The following VPS13D variants were observed in gnomAD, a reference collection of about 807,000 sequenced individuals.
VPS13D encodes intermembrane lipid transfer protein VPS13D.
In VPS13D, 187 loss-of-function variants were observed where a neutral mutation model predicts 461.9. That is an observed-to-expected ratio of 0.40 (90% confidence interval 0.36 to 0.46). The LOEUF (loss-of-function observed/expected upper bound fraction) is 0.46. Ranked by LOEUF, VPS13D falls within the 20% of genes least tolerant of loss-of-function variation. VPS13D has a pLI of 0.60. For synonymous variants in VPS13D, 1,951 were observed against 1,986.3 expected (o/e 0.98, Z 0.47); for missense variants, 4,711 against 5,364.9 (o/e 0.88, Z 3.81).
At chr1:12,479,142 G>A (rs1332713446) in intron 67 of VPS13D, among the ~76,000 whole-genome samples, 1 of 152,252 alleles carries the variant, frequency 6.6e-6, no homozygotes, top group Non-Finnish European at 1.5e-5. Context: ...AGCAAGGCCT[G>A]GAGTGGCCTG....
In VPS13D at chr1:12,323,742, G is replaced by A; in HGVS notation, c.7952G>A (p.Ser2651Asn). The A allele has an allele frequency of 6.2e-7, 1 of 1,614,082 alleles. No homozygotes were observed. The highest frequency in any genetic ancestry group is 2.2e-5 in the East Asian group (1 of 44,878). Reference protein sequence around the residue: ...QLARLQELGFSMDDCRKALLA... With the variant: ...QLARLQELGFNMDDCRKALLA... ...GCTAGGCTGCAGGAGCTGGGATTCA[G>A]CATGGATGATTGTCGCAAAGCTCTT... The change falls in exon 35 of 70, where the codon AGC (serine) becomes AAC (asparagine). Residue 2651 changes from serine (S) to asparagine (N), a missense_variant. Ser to Asn is a conservative substitution (Grantham distance 46, BLOSUM62 1). This residue lies in a region of VPS13D where 4,411 missense variants were observed against 4,937.8 expected (regional missense o/e 0.89). Coordinates refer to ENST00000620676, the MANE Select transcript of VPS13D (RefSeq NM_015378.4).
At chr1:12,460,554 A>G (rs1645396350) in intron 67 of VPS13D, among the ~76,000 whole-genome samples, 158 bp downstream of exon 67, 1 of 152,030 alleles carries the variant, frequency 6.6e-6, no homozygotes. Flanking sequence ...ATATAAAAAG[A>G]TGAAAATGAG....
chr1:12,366,207 C>T (rs550806400), intron 52 of VPS13D, among the ~76,000 whole-genome samples: 3 of 152,160 alleles, frequency 2.0e-5, no homozygotes, highest in Non-Finnish European at 4.4e-5. Flanking sequence ...CCATACCTGG[C>T]CCCAAGATAG....
intron 65 of VPS13D, 140 bp from the exon 66 acceptor site, chr1:12,455,858 G>A: frequency 1.9e-6 from 2 of 1,062,294 alleles, no homozygotes; most frequent in Non-Finnish European, 2.5e-6. Flanking sequence ...GGCGGAGGTT[G>A]TGATGAGATG....
In VPS13D at chr1:12,318,072, A is replaced by T; in HGVS notation, c.7149A>T (p.Arg2383Ser). Residue 2383 changes from arginine to serine, a missense_variant and splice_region_variant, in exon 31 of 70, where the codon AGA becomes AGT. By Grantham distance (110) the Arg-to-Ser change is moderately radical. Coordinates refer to ENST00000620676, the MANE Select transcript of VPS13D (RefSeq NM_015378.4). Reference sequence around the variant, plus strand: ...ATTTTCTCCTGTCTTCTTTTTATAGATCTACCAAGGATTCCTCCTGCTTTA... The same window carrying T: ...ATTTTCTCCTGTCTTCTTTTTATAGTTCTACCAAGGATTCCTCCTGCTTTA... ...QGSIQIELHF[R>S]STKDSSCFTV... 1 of 1,602,144 alleles carries T rather than the reference A, an allele frequency of 6.2e-7. No individual in the cohort carries two copies. The highest frequency in any genetic ancestry group is 1.1e-5 in the South Asian group (1 of 90,126).
At chr1:12,421,808 T>C (rs1343927695) in intron 65 of VPS13D, among the ~76,000 whole-genome samples, 1 of 152,150 alleles carries the variant, frequency 6.6e-6, no homozygotes, top group Non-Finnish European at 1.5e-5. Context: ...AAACCTCTGC[T>C]CATTCTGTCC....
At position 12,400,394 on chromosome 1, in the gene VPS13D, G is replaced by A. The variant is rs962395762; in HGVS notation, c.11784+64G>A. On this transcript the variant is annotated intron_variant, in intron 61 of 69. Coordinates refer to ENST00000620676, the MANE Select transcript of VPS13D (RefSeq NM_015378.4). ...TGGAACGTTGATTTGTTCTCTCACAGCCAAGTCTCAGAGCAGCAGTGCCGG... is the reference window on the plus strand; with the variant it reads ...TGGAACGTTGATTTGTTCTCTCACAACCAAGTCTCAGAGCAGCAGTGCCGG... 4.4e-6 allele frequency: 7 copies of A among 1,583,868 alleles called. No individual in the cohort carries two copies. In the African/African-American group the frequency reaches 5.4e-5, roughly 12 times the overall value.
At chr1:12,451,904 C>A (rs1000102119) in intron 65 of VPS13D, among the ~76,000 whole-genome samples, 2 of 152,176 alleles carry the variant, frequency 1.3e-5, no homozygotes, top group African/African-American at 4.8e-5. Flanking sequence ...GTGCTATGTG[C>A]TTTACATGTA....
At chr1:12,385,147 C>T in intron 58 of VPS13D, 113 bp from the exon 59 acceptor site, 1 of 805,834 alleles carries the variant, frequency 1.2e-6, no homozygotes. Flanking sequence ...CATTCGCTTC[C>T]ATAGGATTAT....
At chr1:12,342,113 T>C (rs1458064693) in intron 41 of VPS13D, among the ~76,000 whole-genome samples, 3 of 152,226 alleles carry the variant, frequency 2.0e-5, no homozygotes, top group African/African-American at 4.8e-5. Flanking sequence ...GTATACCTTA[T>C]GTTTAAAAGC....
At position 12,264,268 on chromosome 1, in the gene VPS13D, A is replaced by G. The variant is rs144636016; in HGVS notation, c.1594+2188A>G. Among the ~76,000 whole-genome samples the G allele has an allele frequency of 1.7e-3, 264 of 152,326 alleles. 4 individuals carry two copies. Among genetic ancestry groups the G allele is most frequent in the African/African-American group, 5.7e-3 (235 of 41,568 alleles). ...ATGTTGAAATTGGGCTAATAACCCT[A>G]CAATGGCTTCTAAATGTTCAGGTGA... On this transcript the variant is annotated intron_variant, in intron 13 of 69. Transcript: ENST00000620676.
rs185166732 is a variant in VPS13D at position 12,236,748 on chromosome 1, G to A, written c.97+2385G>A. 1.3e-3 allele frequency among the ~76,000 whole-genome samples: 196 copies of A among 152,256 alleles called. 1 individual carries two copies. In the Middle Eastern group the frequency reaches 0.027, roughly 21 times the overall value. Reference sequence around the variant, plus strand: ...TAGATGCTTTGGGAGATGCAAAGAGGACTGAAATAGTGGTCAAGGGTATTG... The same window carrying A: ...TAGATGCTTTGGGAGATGCAAAGAGAACTGAAATAGTGGTCAAGGGTATTG... On this transcript the variant is annotated intron_variant, in intron 2 of 69. Coordinates refer to ENST00000620676, the MANE Select transcript of VPS13D (RefSeq NM_015378.4).
intron 63 of VPS13D, among the ~76,000 whole-genome samples, chr1:12,414,194 G>T (rs1644766736): frequency 6.6e-6 from 1 of 152,064 alleles, no homozygotes; most frequent in African/African-American, 2.4e-5. Flanking sequence ...TGAGGTGGGA[G>T]GATCGCGTGA....
intron 60 of VPS13D, among the ~76,000 whole-genome samples, chr1:12,388,188 T>G (rs1404971191): frequency 1.3e-5 from 2 of 152,174 alleles, no homozygotes; most frequent in Admixed American, 1.3e-4. Context: ...ATGATGTCAC[T>G]TGAATGTAGA....
intron 36 of VPS13D, among the ~76,000 whole-genome samples, chr1:12,328,091 T>C (rs923037836): frequency 6.6e-6 from 1 of 152,246 alleles, no homozygotes; most frequent in African/African-American, 2.4e-5. Context: ...TTCCATTGTA[T>C]TAACATCTCT....
intron 24 of VPS13D, among the ~76,000 whole-genome samples, chr1:12,297,732 C>T (rs1275788293): frequency 6.6e-6 from 1 of 152,190 alleles, no homozygotes; most frequent in East Asian, 1.9e-4. Context: ...ATGCAGCTTG[C>T]CAGGTGCTAG....
intron 66 of VPS13D, 115 bp from the exon 67 acceptor site, chr1:12,460,086 G>A: frequency 3.1e-6 from 3 of 954,044 alleles, no homozygotes; most frequent in Non-Finnish European, 3.0e-6. Context: ...GGCCTCTCTG[G>A]CACAGAGATT....
In VPS13D at chr1:12,345,441, G is replaced by C; in HGVS notation, c.8953G>C (p.Val2985Leu). ...AAATGGCTGGGAGCAAGTGAGCCCA[G>C]TGTCTGTGGACAAAGTCGGGACCTT... ...RVNGWEQVSP[V>L]SVDKVGTFFR... The change falls in exon 43 of 70, where the codon GTG (valine) becomes CTG (leucine). Residue 2985 changes from valine to leucine, a missense_variant. Physicochemically the swap from Val to Leu is conservative, Grantham distance 32 (BLOSUM62 1). This residue lies in a region of VPS13D where 4,411 missense variants were observed against 4,937.8 expected (regional missense o/e 0.89). Coordinates refer to ENST00000620676, the MANE Select transcript of VPS13D (RefSeq NM_015378.4). 6.2e-7 allele frequency: 1 copy of C among 1,614,014 alleles called. No homozygotes were observed. The highest frequency in any genetic ancestry group is 8.5e-7 in the Non-Finnish European group (1 of 1,179,866).
In VPS13D at chr1:12,319,685, T is replaced by A. The variant is rs985798890; in HGVS notation, c.7548+55T>A. The A allele has an allele frequency of 3.2e-5, 52 of 1,610,166 alleles. No homozygotes were observed. The Middle Eastern group carries it at 4.9e-4, about 15-fold the overall frequency. On this transcript the variant is annotated intron_variant, in intron 32 of 69. Coordinates refer to ENST00000620676, the MANE Select transcript of VPS13D (RefSeq NM_015378.4). ...TGCGTGTTGGCTCACGAGCAAAGCATCTGGAAGAGAATTTTCCCTCTTAAA... is the reference window on the plus strand; with the variant it reads ...TGCGTGTTGGCTCACGAGCAAAGCAACTGGAAGAGAATTTTCCCTCTTAAA...
Sources: allele counts gnomAD v4.1 joint callset (sites outside exome capture counted in the v4.1 genomes callset), GRCh38; gene constraint gnomAD v4.1.1; regional missense constraint gnomAD v4.1.1; transcripts MANE v1.5; gene names NCBI Gene and HGNC (gene_info 2026-07-23, HGNC 2026-07-21).